The following CDHR3 variants were observed in gnomAD, a reference collection of about 807,000 sequenced individuals.
CDHR3 encodes cadherin-related family member 3.
CDHR3 carries 79 observed loss-of-function variants against 86.6 expected under a neutral mutation model. The observed-to-expected ratio is 0.91, with a 90% CI of 0.76 to 1.10. The LOEUF (loss-of-function observed/expected upper bound fraction) is 1.10. CDHR3 is among the 50% of genes least tolerant of loss of function. The pLI is 0.00. For missense variants in CDHR3, 1,081 were observed against 1,077.6 expected (o/e 1.00, Z -0.04); for synonymous variants, 421 against 402.4 (o/e 1.05, Z -0.55).
rs892108376 is a variant in CDHR3 at position 106,034,784 on chromosome 7, A to G, written c.*2087A>G. 6.6e-6 allele frequency among the ~76,000 whole-genome samples: 1 copy of G among 152,202 alleles called. No homozygotes were observed. The highest frequency in any genetic ancestry group is 1.5e-5 in the Non-Finnish European group (1 of 68,028). ...AATAACTGCTTATAAGCCCATTAAGAATGATTAAAAGGGCCGGGTGAGGTG... is the reference window on the plus strand; with the variant it reads ...AATAACTGCTTATAAGCCCATTAAGGATGATTAAAAGGGCCGGGTGAGGTG... On this transcript the variant is annotated 3_prime_UTR_variant, in exon 19 of 19. Coordinates refer to ENST00000317716, the MANE Select transcript of CDHR3 (RefSeq NM_152750.5).
At position 106,015,438 on chromosome 7, in the gene CDHR3, T is replaced by C. The variant is rs539227503; in HGVS notation, c.1327+225T>C. ...GGTTAAAGCCTTCGAGCATCTCCTGTAGCTGTCAAGTTCAAGTTCCAACTC... is the reference window on the plus strand; with the variant it reads ...GGTTAAAGCCTTCGAGCATCTCCTGCAGCTGTCAAGTTCAAGTTCCAACTC... On this transcript the variant is annotated intron_variant, in intron 10 of 18. Transcript: ENST00000317716. Among the ~76,000 whole-genome samples, 25 of 152,232 alleles carry C rather than the reference T, an allele frequency of 1.6e-4. No homozygotes were observed. The South Asian group carries it at 3.9e-3, about 24-fold the overall frequency.
intron 4 of CDHR3, among the ~76,000 whole-genome samples, chr7:105,992,628 C>A (rs184927252): frequency 6.6e-6 from 1 of 152,212 alleles, no homozygotes; most frequent in East Asian, 1.9e-4. Context: ...TAAAATAAAC[C>A]CCTGTGGTAG....
intron 15 of CDHR3, among the ~76,000 whole-genome samples, chr7:106,025,088 TTC>T (rs1321659345): frequency 2.6e-5 from 4 of 152,200 alleles, no homozygotes; most frequent in Non-Finnish European, 5.9e-5. Flanking sequence ...CAGGCCTGTT[TTC>T]TCTTTTTCCA....
At chr7:106,002,802 A>T (rs192475502) in intron 7 of CDHR3, among the ~76,000 whole-genome samples, 221 of 152,316 alleles carry the variant, frequency 1.5e-3, no homozygotes, top group Admixed American at 4.1e-3. Context: ...TATTTTTAAC[A>T]TGTATAAAAT....
intron 1 of CDHR3, among the ~76,000 whole-genome samples, chr7:105,972,036 A>G (rs1193384302): frequency 3.9e-5 from 6 of 152,170 alleles, no homozygotes; most frequent in Admixed American, 3.9e-4. Context: ...AGGTATGTGT[A>G]GTCTGTTAGG....
At chr7:105,996,139 C>T in intron 5 of CDHR3, 111 bp from the exon 6 acceptor site, 1 of 627,344 alleles carries the variant, frequency 1.6e-6, no homozygotes, top group Non-Finnish European at 2.9e-6. Context: ...AGGCTCACCA[C>T]CAAAGGGGCA....
intron 9 of CDHR3, 54 bp from the exon 10 acceptor site, chr7:106,015,057 C>G (rs1215869637): frequency 7.1e-7 from 1 of 1,404,324 alleles, no homozygotes; most frequent in Non-Finnish European, 9.8e-7. Flanking sequence ...CTCTCGCAGC[C>G]CAATAAATAG....
At chr7:105,986,805 A>T (rs1482357636) in intron 4 of CDHR3, among the ~76,000 whole-genome samples, 1 of 152,110 alleles carries the variant, frequency 6.6e-6, no homozygotes. Context: ...TAGGTCAGAG[A>T]ATTCCTTTAT....
chr7:105,995,017 G>A (rs1014313716), intron 5 of CDHR3, among the ~76,000 whole-genome samples, 172 bp downstream of exon 5: 9 of 152,218 alleles, frequency 5.9e-5, no homozygotes, highest in African/African-American at 1.9e-4. Flanking sequence ...GGGGAATAAG[G>A]CAATTGTCTG....
rs1254901470 is a variant in CDHR3 at position 105,975,034 on chromosome 7, C to T, written c.237C>T (p.Gly79=). 1.9e-6 allele frequency: 3 copies of T among 1,613,648 alleles called. No homozygotes were observed. Among genetic ancestry groups the T allele is most frequent in the Non-Finnish European group, 2.5e-6 (3 of 1,179,554 alleles). ...CTTTTAGGGTGAATTGGCTGTCAGGCACCTACTTTGAGGTAAGTAACAACT... is the reference window on the plus strand; with the variant it reads ...CTTTTAGGGTGAATTGGCTGTCAGGTACCTACTTTGAGGTAAGTAACAACT... The part of the protein sequence containing the change: ...TEAFRVNWLS[G]TYFEVVTTGM... The change falls in exon 2 of 19, where the codon GGC becomes GGT. Residue 79 remains glycine (G), a synonymous_variant. Transcript: ENST00000317716.
At chr7:105,985,919 A>C (rs1042515412) in intron 4 of CDHR3, among the ~76,000 whole-genome samples, 1 of 152,200 alleles carries the variant, frequency 6.6e-6, no homozygotes, top group East Asian at 1.9e-4. Flanking sequence ...CAGGCAGTTC[A>C]GCACTGGTGC....
Position 105,963,329 on chromosome 7 carries a change from C to T in CDHR3, c.11C>T (p.Ala4Val). 1 of 1,614,018 alleles carries T rather than the reference C, an allele frequency of 6.2e-7. No homozygotes were observed. The change falls in exon 1 of 19, where the codon GCA (alanine) becomes GTA (valine). Residue 4 changes from alanine to valine, a missense_variant. Physicochemically the swap from Ala to Val is moderately conservative, Grantham distance 64. Coordinates refer to ENST00000317716, the MANE Select transcript of CDHR3 (RefSeq NM_152750.5). ...TTGTGACCATCAAGTATGCAGGAAG[C>T]AATCATTCTCCTGGCTCTCCTGGGT... MQE[A>V]IILLALLGAM... is the part of the protein sequence containing the mutation.
chr7:105,986,507 C>G lies in CDHR3; in HGVS notation c.513+2218C>G, dbSNP rs145013881. ...ACTCCTATAACAAAGAAGAGATTAA[C>G]AAGAAGAGTAAATTAACAAATTTAT... is the stretch of plus-strand genomic sequence containing the variant. On this transcript the variant is annotated intron_variant, in intron 4 of 18. Coordinates refer to ENST00000317716, the MANE Select transcript of CDHR3 (RefSeq NM_152750.5). Among the ~76,000 whole-genome samples, 486 of 152,270 alleles carry G rather than the reference C, an allele frequency of 3.2e-3. 1 individual carries two copies. The highest frequency in any genetic ancestry group is 0.011 in the African/African-American group (464 of 41,560).
At chr7:105,963,481 C>A in intron 1 of CDHR3, 117 bp downstream of exon 1, 1 of 1,065,678 alleles carries the variant, frequency 9.4e-7, no homozygotes, top group Non-Finnish European at 1.4e-6. Flanking sequence ...CAATTGAGGG[C>A]TTAGCTGCAG....
At chr7:106,031,509 T>G (rs969583382) in intron 18 of CDHR3, among the ~76,000 whole-genome samples, 1 of 152,226 alleles carries the variant, frequency 6.6e-6, no homozygotes, top group African/African-American at 2.4e-5. Flanking sequence ...CACCCTCATA[T>G]GCAAACGGCA....
chr7:105,965,867 G>C (rs1826842407), intron 1 of CDHR3, among the ~76,000 whole-genome samples: 1 of 152,156 alleles, frequency 6.6e-6, no homozygotes, highest in Non-Finnish European at 1.5e-5. Flanking sequence ...CATATTTGCT[G>C]TTTTTATTTT....
intron 6 of CDHR3, among the ~76,000 whole-genome samples, chr7:106,000,154 A>T (rs943292816): frequency 6.6e-6 from 1 of 152,170 alleles, no homozygotes; most frequent in Non-Finnish European, 1.5e-5. Context: ...TGAGAAGGGG[A>T]TATGTCAAGT....
chr7:105,980,832 T>C, intron 2 of CDHR3, 136 bp from the exon 3 acceptor site: 1 of 771,114 alleles, frequency 1.3e-6, no homozygotes, highest in Non-Finnish European at 2.1e-6. Context: ...AAACAACTGG[T>C]TCCTCTGACA....
intron 3 of CDHR3, among the ~76,000 whole-genome samples, chr7:105,982,602 G>A (rs978600095): frequency 6.6e-6 from 1 of 150,826 alleles, no homozygotes; most frequent in Non-Finnish European, 1.5e-5. Context: ...CCCCCTTACT[G>A]ATCTGCAAAT....
Sources: allele counts gnomAD v4.1 joint callset (sites outside exome capture counted in the v4.1 genomes callset), GRCh38; gene constraint gnomAD v4.1.1; transcripts MANE v1.5; gene names NCBI Gene and HGNC (gene_info 2026-07-23, HGNC 2026-07-21).